Variants in TMEM132D observed in about 807,000 individuals in gnomAD.
TMEM132D encodes mature OL transmembrane protein.
TMEM132D carries 21 observed loss-of-function variants against 62.3 expected under a neutral mutation model. The ratio of observed to expected loss-of-function variants is 0.34; its 90% CI spans 0.24 to 0.49. The LOEUF (loss-of-function observed/expected upper bound fraction) is 0.49. TMEM132D is among the 20% of genes least tolerant of loss of function. TMEM132D has a pLI of 0.99. For synonymous variants in TMEM132D, 621 were observed against 575.6 expected, an observed-to-expected ratio of 1.08 and a Z score of -1.13; for missense variants, 1,346 against 1,402.8, an observed-to-expected ratio of 0.96 and a Z score of 0.65.
chr12:129,656,534 T>C (rs763771462), intron 2 of TMEM132D, among the ~76,000 whole-genome samples: 2 of 149,056 alleles, frequency 1.3e-5, no homozygotes, highest in Non-Finnish European at 2.9e-5. Flanking sequence ...CATAGTCTGT[T>C]TTTTACACCT....
At chr12:129,589,313 C>G (rs1211019439) in intron 2 of TMEM132D, among the ~76,000 whole-genome samples, 1 of 152,088 alleles carries the variant, frequency 6.6e-6, no homozygotes, top group Non-Finnish European at 1.5e-5. Flanking sequence ...GTAAGACATG[C>G]CTTTCACCTC....
chr12:129,393,689 G>T (rs904852007), intron 3 of TMEM132D, among the ~76,000 whole-genome samples: 3 of 152,056 alleles, frequency 2.0e-5, no homozygotes, highest in Admixed American at 1.3e-4. Flanking sequence ...AGTGGCTTCC[G>T]CTCATGAAGA....
chr12:129,879,570 T>C (rs1423480374), intron 1 of TMEM132D, among the ~76,000 whole-genome samples: 4 of 152,150 alleles, frequency 2.6e-5, no homozygotes, highest in Non-Finnish European at 5.9e-5. Context: ...AGACTCCAGG[T>C]GCCATGCCAG....
At chr12:129,811,735 A>G (rs1872190259) in intron 1 of TMEM132D, among the ~76,000 whole-genome samples, 1 of 151,836 alleles carries the variant, frequency 6.6e-6, no homozygotes, top group Non-Finnish European at 1.5e-5. Flanking sequence ...CCAGACAGAT[A>G]CGGGGAGCAG....
At chr12:129,194,902 T>C (rs10773609) in intron 5 of TMEM132D, among the ~76,000 whole-genome samples, 142,309 of 152,238 alleles carry the variant, frequency 0.93, 66,613 homozygotes, top group East Asian at 0.96. Context: ...TGGCCCTCTC[T>C]GTCCTCATCC....
chr12:129,753,085 A>G (rs1257304525), intron 1 of TMEM132D, among the ~76,000 whole-genome samples: 3 of 152,218 alleles, frequency 2.0e-5, no homozygotes, highest in Non-Finnish European at 4.4e-5. Flanking sequence ...GTCATGGCTA[A>G]CAGGACAAGT....
At chr12:129,483,919 A>G (rs1407220421) in intron 3 of TMEM132D, among the ~76,000 whole-genome samples, 1 of 152,214 alleles carries the variant, frequency 6.6e-6, no homozygotes, top group Non-Finnish European at 1.5e-5. Context: ...ATATGTATAC[A>G]AACTATATTT....
At chr12:129,589,135 C>T (rs1482975843) in intron 2 of TMEM132D, among the ~76,000 whole-genome samples, 1 of 152,034 alleles carries the variant, frequency 6.6e-6, no homozygotes, top group African/African-American at 2.4e-5. Flanking sequence ...AATTGTAGCT[C>T]CCATAATTCC....
At chr12:129,626,053 C>T (rs144170118) in intron 2 of TMEM132D, among the ~76,000 whole-genome samples, 1 of 151,726 alleles carries the variant, frequency 6.6e-6, no homozygotes, top group East Asian at 1.9e-4. Context: ...TTCTGGAAAT[C>T]TTGTTCCTAA....
intron 3 of TMEM132D, among the ~76,000 whole-genome samples, chr12:129,376,787 G>C (rs985064558): frequency 6.6e-6 from 1 of 152,150 alleles, no homozygotes; most frequent in Non-Finnish European, 1.5e-5. Context: ...GTGTGCAAAC[G>C]TAAGTGAAAC....
chr12:129,591,342 T>A (rs1593079091), intron 2 of TMEM132D, among the ~76,000 whole-genome samples: 1 of 152,294 alleles, frequency 6.6e-6, no homozygotes, highest in East Asian at 1.9e-4. Context: ...AGAGCATGCA[T>A]CATCCATATC....
intron 3 of TMEM132D, among the ~76,000 whole-genome samples, chr12:129,376,232 C>T (rs1870775610): frequency 6.6e-6 from 1 of 152,110 alleles, no homozygotes; most frequent in Non-Finnish European, 1.5e-5. Flanking sequence ...AAAGACATAC[C>T]TGAGACTGGG....
At position 129,513,802 on chromosome 12, in the gene TMEM132D, A is replaced by ATTTT. The variant is rs546917620; in HGVS notation, c.1115+17253_1115+17256dup. 9.8e-3 allele frequency among the ~76,000 whole-genome samples: 1,249 copies of ATTTT among 127,814 alleles called. 5 individuals are homozygous for ATTTT. The highest frequency in any genetic ancestry group is 0.013 in the Non-Finnish European group (739 of 58,802). 83.9% of individuals were successfully genotyped at this position (127,814 alleles called of 152,430 possible). A position where few individuals can be genotyped will look rare whatever the true frequency, so the allele number is the denominator to read the frequency against. ...GCCCGGCCAATGGGGACCAATTTTT[A>ATTTT]TTTTTATTTATTTATTTATTTATTT... On this transcript the variant is annotated intron_variant, in intron 3 of 8. Coordinates refer to ENST00000422113, the MANE Select transcript of TMEM132D (RefSeq NM_133448.3).
chr12:129,393,765 T>C (rs1593362924), intron 3 of TMEM132D, among the ~76,000 whole-genome samples: 1 of 152,184 alleles, frequency 6.6e-6, no homozygotes, highest in East Asian at 1.9e-4. Flanking sequence ...TGAGGTTGTT[T>C]TCCTCTTGCA....
chr12:129,081,461 G>T (rs919995283), intron 7 of TMEM132D, among the ~76,000 whole-genome samples: 5 of 152,014 alleles, frequency 3.3e-5, no homozygotes, highest in Non-Finnish European at 7.4e-5. Flanking sequence ...ACCACACTCG[G>T]GTAATTTTTT....
intron 4 of TMEM132D, among the ~76,000 whole-genome samples, chr12:129,285,673 T>C (rs1396290177): frequency 6.6e-6 from 1 of 152,208 alleles, no homozygotes; most frequent in Non-Finnish European, 1.5e-5. Context: ...ACTTTCATCA[T>C]TGTTTTTTCA....
chr12:129,560,372 C>G (rs1039780240), intron 2 of TMEM132D, among the ~76,000 whole-genome samples: 6 of 151,550 alleles, frequency 4.0e-5, no homozygotes, highest in Non-Finnish European at 7.4e-5. Context: ...CAGGCTCAAG[C>G]GCTCCTGCCT....
chr12:129,646,650 T>C (rs1221500230), intron 2 of TMEM132D, among the ~76,000 whole-genome samples: 4 of 152,172 alleles, frequency 2.6e-5, no homozygotes. Flanking sequence ...ATTACAATCA[T>C]CAACTTGCAT....
chr12:129,248,350 T>TG (rs1880178333), intron 4 of TMEM132D, among the ~76,000 whole-genome samples: 2 of 152,204 alleles, frequency 1.3e-5, no homozygotes, highest in Non-Finnish European at 2.9e-5. Context: ...AAAATAGGGA[T>TG]GTCATTCTTC....
Sources: gnomAD v4.1 joint callset for allele counts (sites outside exome capture counted in the v4.1 genomes callset) on GRCh38, gnomAD v4.1.1 for gene constraint, MANE v1.5 for transcripts, NCBI Gene and HGNC (gene_info 2026-07-23, HGNC 2026-07-21) for gene names.